The following THSD4 variants were observed in gnomAD, a reference collection of about 807,000 sequenced individuals.
The protein encoded by THSD4 is thrombospondin type 1 domain containing 4.
THSD4 carries 69 observed loss-of-function variants against 119.0 expected under a neutral mutation model. The ratio of observed to expected loss-of-function variants is 0.58; its 90% confidence interval spans 0.48 to 0.71. The LOEUF is 0.71. Ranked by LOEUF, THSD4 falls within the 30% of genes least tolerant of loss-of-function variation. The probability of loss-of-function intolerance (pLI) is 0.00; values close to 1 mark genes in which losing one functional copy is unlikely to be tolerated. For synonymous variants in THSD4, 524 were observed against 540.4 expected, an observed-to-expected ratio of 0.97 and a Z score of 0.42; for missense variants, 1,393 against 1,391.1, an observed-to-expected ratio of 1.00 and a Z score of -0.02.
intron 7 of THSD4, among the ~76,000 whole-genome samples, chr15:71,653,280 A>T (rs1001895698): frequency 1.3e-5 from 2 of 152,224 alleles, no homozygotes; most frequent in Non-Finnish European, 2.9e-5. Context: ...TTCTTTGCTT[A>T]TTAGCTTCTC....
chr15:71,305,576 C>T (rs1379845864), intron 6 of THSD4, among the ~76,000 whole-genome samples: 7 of 152,118 alleles, frequency 4.6e-5, no homozygotes, highest in South Asian at 2.1e-4. Context: ...TCTCTGAGTC[C>T]GTTTGCTTTA....
chr15:71,556,055 TATA>T (rs1336741474), intron 7 of THSD4, among the ~76,000 whole-genome samples: 2 of 152,228 alleles, frequency 1.3e-5, no homozygotes, highest in Admixed American at 6.5e-5. Flanking sequence ...ACTATGGCCT[TATA>T]ATAATCTGTG....
intron 7 of THSD4, among the ~76,000 whole-genome samples, chr15:71,514,615 T>G (rs2048330044): frequency 6.6e-6 from 1 of 152,196 alleles, no homozygotes; most frequent in Non-Finnish European, 1.5e-5. Context: ...ATTCGTAAGA[T>G]CTTTTAAAAA....
At chr15:71,262,861 C>T (rs1266949512) in intron 6 of THSD4, among the ~76,000 whole-genome samples, 1 of 152,070 alleles carries the variant, frequency 6.6e-6, no homozygotes, top group African/African-American at 2.4e-5. Flanking sequence ...ACCTGGGGAC[C>T]CAGGCTGGTA....
rs947349765 is a variant in THSD4, at chr15:71,395,344, C to T, written c.1016-16343C>T. On this transcript the variant is annotated intron_variant, in intron 6 of 17. Transcript: ENST00000261862. ...AGGACATCCAGTCTAAAAGTCCCCA[C>T]TGAGCTCCACTGCCCCCCAGGTGCA... Among the ~76,000 whole-genome samples, 3 of 152,192 alleles carry T rather than the reference C, an allele frequency of 2.0e-5. No individual in the cohort carries two copies. The South Asian group carries it at 6.2e-4, about 32-fold the overall frequency.
chr15:71,135,392 CA>C (rs1170278742), intron 1 of THSD4, among the ~76,000 whole-genome samples: 3,006 of 122,474 alleles, frequency 0.025, 132 homozygotes, highest in Admixed American at 0.13. Flanking sequence ...TACTAAATGA[CA>C]AAAAAAAAAA....
chr15:71,377,204 A>G (rs562562720), intron 6 of THSD4, among the ~76,000 whole-genome samples: 6 of 152,348 alleles, frequency 3.9e-5, no homozygotes, highest in African/African-American at 1.4e-4. Context: ...ACCTGACACA[A>G]AGAGGGATGC....
chr15:71,670,963 G>A (rs1235221739), intron 8 of THSD4, among the ~76,000 whole-genome samples: 2 of 152,124 alleles, frequency 1.3e-5, no homozygotes, highest in South Asian at 2.1e-4. Flanking sequence ...ATAAACATAC[G>A]TGTGCATGTG....
chr15:71,170,067 G>A (rs916990113), intron 3 of THSD4, among the ~76,000 whole-genome samples: 3 of 152,160 alleles, frequency 2.0e-5, no homozygotes, highest in Admixed American at 1.3e-4. Context: ...CCAGCTACTC[G>A]GGAAGCTGAA....
chr15:71,753,106 T>C (rs1431335762), intron 14 of THSD4, among the ~76,000 whole-genome samples: 1 of 152,180 alleles, frequency 6.6e-6, no homozygotes, highest in African/African-American at 2.4e-5. Flanking sequence ...TAAAATTAAT[T>C]AATCTTTACC....
chr15:71,531,208 G>GCTAAGGACTTCTTAAATTCAGAC (rs1295403308), intron 7 of THSD4, among the ~76,000 whole-genome samples: 5 of 152,126 alleles, frequency 3.3e-5, no homozygotes, highest in Non-Finnish European at 7.3e-5. Flanking sequence ...TCTGGGCCTG[G>GCTAAGGACTTCTTAAATTCAGAC]CTAAGGACTT....
At chr15:71,632,168 G>C (rs1000476258) in intron 7 of THSD4, among the ~76,000 whole-genome samples, 3 of 152,164 alleles carry the variant, frequency 2.0e-5, no homozygotes, top group African/African-American at 7.2e-5. Flanking sequence ...TTGTTATTTG[G>C]CCCAACATTC....
chr15:71,564,319 G>T (rs545094236), intron 7 of THSD4, among the ~76,000 whole-genome samples: 2 of 152,322 alleles, frequency 1.3e-5, no homozygotes, highest in South Asian at 4.1e-4. Context: ...TGTACTGTGT[G>T]TGGATCAAGT....
chr15:71,355,866 T>C (rs1302371588), intron 6 of THSD4, among the ~76,000 whole-genome samples: 1 of 29,868 alleles, frequency 3.3e-5, no homozygotes, highest in Non-Finnish European at 7.1e-5. Flanking sequence ...GTTTTTCTTA[T>C]TTTATTTTAT....
chr15:71,587,968 ACT>A (rs1300197610), intron 7 of THSD4, among the ~76,000 whole-genome samples: 1 of 151,776 alleles, frequency 6.6e-6, no homozygotes, highest in Non-Finnish European at 1.5e-5. Flanking sequence ...TAAAACCAGT[ACT>A]CTCCCTGTGG....
chr15:71,768,922 G>A (rs772115517), intron 16 of THSD4, among the ~76,000 whole-genome samples: 2 of 147,438 alleles, frequency 1.4e-5, no homozygotes, highest in African/African-American at 5.0e-5. Flanking sequence ...AAAAATCTTG[G>A]CTGGCTGCCC....
intron 7 of THSD4, among the ~76,000 whole-genome samples, chr15:71,653,195 A>G (rs2140983889): frequency 6.6e-6 from 1 of 152,386 alleles, no homozygotes; most frequent in Middle Eastern, 3.4e-3. Flanking sequence ...AAGCTAAGCC[A>G]AGAGGCAATC....
At chr15:71,756,509 G>A (rs1478504164) in intron 14 of THSD4, among the ~76,000 whole-genome samples, 1 of 152,198 alleles carries the variant, frequency 6.6e-6, no homozygotes, top group African/African-American at 2.4e-5. Context: ...AAGTTTAGGT[G>A]TGGTGGCACA....
intron 8 of THSD4, among the ~76,000 whole-genome samples, chr15:71,678,682 C>T (rs2051703216): frequency 6.6e-6 from 1 of 152,192 alleles, no homozygotes; most frequent in Non-Finnish European, 1.5e-5. Flanking sequence ...GCTGTTTTAG[C>T]ATCAACAGCT....
Sources: allele counts gnomAD v4.1 joint callset (sites outside exome capture counted in the v4.1 genomes callset), GRCh38; gene constraint gnomAD v4.1.1; transcripts MANE v1.5; gene names NCBI Gene and HGNC (gene_info 2026-07-23, HGNC 2026-07-21).